The following WT1 variants were observed in gnomAD, a reference collection of about 807,000 sequenced individuals.
WT1 encodes Wilms tumor protein.
In WT1, 8 loss-of-function variants were observed where a neutral mutation model predicts 60.8. The observed-to-expected ratio is 0.13, with a 90% CI of 0.08 to 0.24. WT1 has a LOEUF of 0.24. WT1 is among the 10% of genes least tolerant of loss of function. The pLI, the probability that WT1 is intolerant of heterozygous loss-of-function variation, is 1.00. For synonymous variants in WT1, 312 were observed against 297.1 expected (o/e 1.05, Z -0.52); for missense variants, 568 against 711.8 (o/e 0.80, Z 2.30).
intron 1 of WT1, 54 bp downstream of exon 1, chr11:32,434,646 A>G: frequency 6.2e-7 from 1 of 1,611,162 alleles, no homozygotes. Flanking sequence ...CCTAGAGCGG[A>G]GAGTCCCTGG....
At chr11:32,419,866 G>T (rs939176814) in intron 3 of WT1, among the ~76,000 whole-genome samples, 1 of 152,088 alleles carries the variant, frequency 6.6e-6, no homozygotes, top group Admixed American at 6.6e-5. Flanking sequence ...GCTAATTTTT[G>T]TATTTTTAGT....
chr11:32,418,923 A>C (rs765078034), intron 3 of WT1, among the ~76,000 whole-genome samples: 1 of 152,198 alleles, frequency 6.6e-6, no homozygotes, highest in Non-Finnish European at 1.5e-5. Context: ...CCAGGAGGGA[A>C]TTTTGCATAT....
intron 2 of WT1, 47 bp from the exon 3 acceptor site, chr11:32,428,105 C>CGGGGTGCG (rs1853124479): frequency 1.3e-6 from 2 of 1,522,282 alleles, no homozygotes; most frequent in African/African-American, 2.7e-5. Context: ...CCCAAGGGCT[C>CGGGGTGCG]GGGGTGCGAG....
chr11:32,408,514 TAAAAAAAAAAAA>T (rs58685266), intron 5 of WT1, among the ~76,000 whole-genome samples: 32 of 74,236 alleles, frequency 4.3e-4, no homozygotes, highest in South Asian at 9.1e-4. Context: ...GACTACGTCT[TAAAAAAAAAAAA>T]AAAAAAAAAA....
intron 9 of WT1, among the ~76,000 whole-genome samples, chr11:32,391,380 G>A (rs894953595): frequency 5.3e-5 from 8 of 152,212 alleles, no homozygotes; most frequent in Non-Finnish European, 4.4e-5. Flanking sequence ...CAAAGGTGGT[G>A]CTATTTTTAT....
intron 6 of WT1, among the ~76,000 whole-genome samples, chr11:32,398,174 C>T (rs564027848): frequency 6.6e-6 from 1 of 152,286 alleles, no homozygotes; most frequent in South Asian, 2.1e-4. Flanking sequence ...GTAGGGAGCA[C>T]ACTGTTCTTT....
At chr11:32,430,457 A>AGAGAGAGAGAG in intron 1 of WT1, 1 of 194,844 alleles carries the variant, frequency 5.1e-6, no homozygotes. Context: ...AGAGGGAGGG[A>AGAGAGAGAGAG]GAGAGAGAGA....
intron 3 of WT1, among the ~76,000 whole-genome samples, chr11:32,420,438 G>T (rs992061248): frequency 6.6e-6 from 1 of 152,188 alleles, no homozygotes; most frequent in Non-Finnish European, 1.5e-5. Flanking sequence ...CTTTGAAGAT[G>T]ATACAGATAA....
intron 5 of WT1, among the ~76,000 whole-genome samples, chr11:32,405,848 T>C (rs1404816067): frequency 6.6e-6 from 1 of 152,220 alleles, no homozygotes; most frequent in African/African-American, 2.4e-5. Context: ...AGATGGCAAG[T>C]GGCAGAGCTA....
rs2132958327 is a variant in WT1 at position 32,400,007 on chromosome 11, G to C, written c.1054C>G (p.Pro352Ala). The C allele has an allele frequency of 6.2e-7, 1 of 1,614,220 alleles. No homozygotes were observed. The highest frequency in any genetic ancestry group is 1.6e-4 in the Middle Eastern group (1 of 6,062). The change falls in exon 6 of 10, where the codon CCC becomes GCC. Residue 352 changes from proline to alanine, a missense_variant. This residue lies in a region of WT1 where 523 missense variants were observed against 565.1 expected (regional missense o/e 0.93). Coordinates refer to ENST00000452863, the MANE Select transcript of WT1 (RefSeq NM_024426.6). ...CTGTATTGGGCTCCGCAGAGGATGG[G>C]CGTTGTGTGGTTATCGCTCTCGTAC...
chr11:32,398,644 C>T (rs879752629), intron 6 of WT1, among the ~76,000 whole-genome samples: 8 of 152,038 alleles, frequency 5.3e-5, no homozygotes, highest in Non-Finnish European at 8.8e-5. Context: ...TATTTACTAG[C>T]GATGTGATTC....
In WT1 at chr11:32,429,796, C is replaced by T. The variant is rs538146705; in HGVS notation, c.662-1177G>A. On this transcript the variant is annotated intron_variant, in intron 1 of 9. Transcript: ENST00000452863. ...GACTGCCCTGGGTCTCCAAACTTCA[C>T]AAAATTCTCAGGAGTAAATTGGGTC... Among the ~76,000 whole-genome samples, 18 of 152,090 alleles carry T rather than the reference C, an allele frequency of 1.2e-4. No individual in the cohort carries two copies. The South Asian group carries it at 3.3e-3, about 28-fold the overall frequency.
intron 3 of WT1, among the ~76,000 whole-genome samples, chr11:32,418,809 C>T (rs936140359): frequency 2.0e-5 from 3 of 152,120 alleles, no homozygotes; most frequent in Non-Finnish European, 4.4e-5. Flanking sequence ...GTCCGCATAG[C>T]GTGATAAATC....
At chr11:32,432,191 A>C (rs1399691819) in intron 1 of WT1, among the ~76,000 whole-genome samples, 2 of 152,194 alleles carry the variant, frequency 1.3e-5, no homozygotes, top group Non-Finnish European at 2.9e-5. Flanking sequence ...GGTACCAACA[A>C]TTGCCCCTGC....
intron 5 of WT1, among the ~76,000 whole-genome samples, chr11:32,403,321 T>C (rs1407272412): frequency 6.6e-6 from 1 of 152,096 alleles, no homozygotes; most frequent in East Asian, 1.9e-4. Context: ...AGCAATTCTC[T>C]CTAAATAAGT....
At chr11:32,398,334 G>C (rs948497572) in intron 6 of WT1, among the ~76,000 whole-genome samples, 2 of 152,142 alleles carry the variant, frequency 1.3e-5, no homozygotes, top group Non-Finnish European at 2.9e-5. Context: ...TGCAGCCATG[G>C]ATTGATGTTT....
Position 32,405,655 on chromosome 11 carries a change from C to G in WT1, c.1017-5611G>C, listed in dbSNP as rs369234330. Among the ~76,000 whole-genome samples the G allele has an allele frequency of 2.6e-5, 4 of 152,162 alleles. No individual in the cohort carries two copies. In the East Asian group the frequency reaches 7.7e-4, roughly 29 times the overall value. Reference sequence around the variant, plus strand: ...ATGACAACTTCCTCCCTGGCCTCAGCTTCATGTAAAATGAAAATTACAGCA... The same window carrying G: ...ATGACAACTTCCTCCCTGGCCTCAGGTTCATGTAAAATGAAAATTACAGCA... On this transcript the variant is annotated intron_variant, in intron 5 of 9. Coordinates refer to ENST00000452863, the MANE Select transcript of WT1 (RefSeq NM_024426.6).
Position 32,400,036 on chromosome 11 carries a change from G to A in WT1, c.1025C>T (p.Thr342Ile), listed in dbSNP as rs2132959095. ...TGTGTGGTTATCGCTCTCGTACCCTGTGCTGTGGCTGCAAACACAAAGAAG... is the reference window on the plus strand; with the variant it reads ...TGTGTGGTTATCGCTCTCGTACCCTATGCTGTGGCTGCAAACACAAAGAAG... Residue 342 changes from threonine (T) to isoleucine (I), a missense_variant, in exon 6 of 10, where the codon ACA becomes ATA. This residue lies in a region of WT1 where 523 missense variants were observed against 565.1 expected (regional missense o/e 0.93). Transcript: ENST00000452863. 1 of 1,614,228 alleles carries A rather than the reference G, an allele frequency of 6.2e-7. No individual in the cohort carries two copies. The highest frequency in any genetic ancestry group is 8.5e-7 in the Non-Finnish European group (1 of 1,180,044).
intron 3 of WT1, among the ~76,000 whole-genome samples, chr11:32,427,402 T>G (rs539789971): frequency 6.6e-6 from 1 of 152,292 alleles, no homozygotes; most frequent in South Asian, 2.1e-4. Flanking sequence ...CGCAGGGCCC[T>G]GTTGCGACCC....
Sources: gnomAD v4.1 joint callset for allele counts (sites outside exome capture counted in the v4.1 genomes callset) on GRCh38, gnomAD v4.1.1 for gene constraint, gnomAD v4.1.1 regional missense constraint, MANE v1.5 for transcripts, NCBI Gene and HGNC (gene_info 2026-07-23, HGNC 2026-07-21) for gene names.